LANCL2: variants seen among roughly 807,000 people sequenced by gnomAD.
LANCL2 encodes lanC-like protein 2.
In LANCL2, 33 loss-of-function variants were observed where a neutral mutation model predicts 56.9. The observed-to-expected ratio is 0.58, with a 90% CI of 0.44 to 0.78. The LOEUF (loss-of-function observed/expected upper bound fraction) is 0.78, where lower values mean the gene tolerates loss of function less well. LANCL2 is among the 30% of genes least tolerant of loss of function. LANCL2 has a pLI of 0.00. For missense variants in LANCL2, 562 were observed against 580.2 expected, an observed-to-expected ratio of 0.97 and a Z score of 0.32; for synonymous variants, 233 against 228.2, an observed-to-expected ratio of 1.02 and a Z score of -0.19.
Position 55,381,822 on chromosome 7 carries a change from A to G in LANCL2, c.205-9971A>G, listed in dbSNP as rs1207501994. Reference sequence around the variant, plus strand: ...TATATCTCATCTTCAGCAAAGAGCAATGCGTTTTTAGAGCAGTGACAAGAC... The same window carrying G: ...TATATCTCATCTTCAGCAAAGAGCAGTGCGTTTTTAGAGCAGTGACAAGAC... On this transcript the variant is annotated intron_variant, in intron 1 of 8. Coordinates refer to ENST00000254770, the MANE Select transcript of LANCL2 (RefSeq NM_018697.4). 5.3e-5 allele frequency among the ~76,000 whole-genome samples: 8 copies of G among 152,360 alleles called. No individual in the cohort carries two copies. In the East Asian group the frequency reaches 7.7e-4, roughly 15 times the overall value.
chr7:55,396,914 G>C (rs1790260267), intron 2 of LANCL2: 1 of 152,016 alleles, frequency 6.6e-6, no homozygotes, highest in South Asian at 2.1e-4. Context: ...TTTACTGTCT[G>C]TTTCCTGTAT....
At chr7:55,413,062 T>C (rs1311261565) in intron 6 of LANCL2, among the ~76,000 whole-genome samples, 1 of 152,364 alleles carries the variant, frequency 6.6e-6, no homozygotes, top group Non-Finnish European at 1.5e-5. Context: ...ATTCAAATCA[T>C]ATATAAGATA....
At chr7:55,386,651 C>T (rs62457862) in intron 1 of LANCL2, among the ~76,000 whole-genome samples, 1 of 152,080 alleles carries the variant, frequency 6.6e-6, no homozygotes, top group Non-Finnish European at 1.5e-5. Flanking sequence ...TTTTGCTTCC[C>T]ACTGCTCCTA....
Position 55,431,477 on chromosome 7 carries a change from A to G in LANCL2, c.*157A>G. 1 of 549,426 alleles carries G rather than the reference A, an allele frequency of 1.8e-6. No homozygotes were observed. The highest frequency in any genetic ancestry group is 2.6e-5 in the South Asian group (1 of 39,078). The allele number at this position is 549,426 out of a possible 1,614,324, so 34.0% of individuals were successfully genotyped here. On this transcript the variant is annotated 3_prime_UTR_variant, in exon 9 of 9. Coordinates refer to ENST00000254770, the MANE Select transcript of LANCL2 (RefSeq NM_018697.4). ...CATGAGTGACCGAAGCCATCCATCAACATTTTCTAACAGCACCCTCATCAA... is the reference window on the plus strand; with the variant it reads ...CATGAGTGACCGAAGCCATCCATCAGCATTTTCTAACAGCACCCTCATCAA...
At chr7:55,426,847 C>A (rs1325974066) in intron 7 of LANCL2, among the ~76,000 whole-genome samples, 1 of 152,214 alleles carries the variant, frequency 6.6e-6, no homozygotes, top group African/African-American at 2.4e-5. Flanking sequence ...CCAGATTCCG[C>A]AGGCCTGGGC....
intron 5 of LANCL2, among the ~76,000 whole-genome samples, chr7:55,407,266 G>A (rs576841749): frequency 5.3e-5 from 8 of 152,314 alleles, no homozygotes; most frequent in Middle Eastern, 3.4e-3. Context: ...GCGAGAGTGA[G>A]TGTCCATGGT....
At chr7:55,425,168 C>A in intron 6 of LANCL2, 86 bp from the exon 7 acceptor site, 1 of 1,358,884 alleles carries the variant, frequency 7.4e-7, no homozygotes, top group Non-Finnish European at 1.0e-6. Context: ...AATATCATGC[C>A]ATATTCTAAC....
chr7:55,428,497 C>A, intron 8 of LANCL2, 50 bp downstream of exon 8: 1 of 1,477,528 alleles, frequency 6.8e-7, no homozygotes, highest in Non-Finnish European at 9.5e-7. Context: ...GAAATTGGTT[C>A]TCCTGCCCTT....
chr7:55,416,656 T>A (rs989457813), intron 6 of LANCL2, among the ~76,000 whole-genome samples: 1 of 152,168 alleles, frequency 6.6e-6, no homozygotes, highest in African/African-American at 2.4e-5. Context: ...GAAAGAATTC[T>A]TTATATGTTC....
intron 1 of LANCL2, among the ~76,000 whole-genome samples, chr7:55,368,004 G>T (rs997663685): frequency 6.6e-6 from 1 of 152,096 alleles, no homozygotes; most frequent in African/African-American, 2.4e-5. Flanking sequence ...TAAAAATCTG[G>T]CAAGCATTGA....
At chr7:55,397,290 G>C (rs373287013) in intron 2 of LANCL2, 9 of 151,930 alleles carry the variant, frequency 5.9e-5, no homozygotes, top group African/African-American at 1.9e-4. Context: ...GTGAAAACCC[G>C]TCTCTACTGA....
rs116859217 is a variant in LANCL2 at position 55,423,728 on chromosome 7, A to T, written c.1009-1526A>T. ...TGAGGTGAAGGAATGTCATCCCTTT[A>T]TAGTTGAGAAAACTAAGACATAGAC... On this transcript the variant is annotated intron_variant, in intron 6 of 8. Transcript: ENST00000254770. Among the ~76,000 whole-genome samples the T allele has an allele frequency of 6.6e-5, 10 of 152,308 alleles. No individual in the cohort carries two copies. The East Asian group carries it at 1.5e-3, about 24-fold the overall frequency.
chr7:55,387,033 A>G (rs1790133202), intron 1 of LANCL2, among the ~76,000 whole-genome samples: 1 of 152,232 alleles, frequency 6.6e-6, no homozygotes, highest in South Asian at 2.1e-4. Context: ...TCTAGAAGAT[A>G]AAAGTTTGGG....
chr7:55,403,593 AC>A (rs1790369810), intron 5 of LANCL2, among the ~76,000 whole-genome samples: 1 of 112,492 alleles, frequency 8.9e-6, no homozygotes, highest in African/African-American at 3.6e-5. Context: ...TTTTTTTGAG[AC>A]AGAGTCTCAC....
At chr7:55,410,485 T>C (rs1264478273) in intron 5 of LANCL2, among the ~76,000 whole-genome samples, 1 of 152,236 alleles carries the variant, frequency 6.6e-6, no homozygotes, top group Non-Finnish European at 1.5e-5. Context: ...TTTATTTCAT[T>C]CTGTAGGAGA....
At chr7:55,413,138 T>C (rs1040871645) in intron 6 of LANCL2, among the ~76,000 whole-genome samples, 1 of 152,224 alleles carries the variant, frequency 6.6e-6, no homozygotes, top group African/African-American at 2.4e-5. Flanking sequence ...TGAAATGTAT[T>C]TTTTGAAAAT....
chr7:55,386,050 C>G (rs1790121966), intron 1 of LANCL2, among the ~76,000 whole-genome samples: 1 of 152,230 alleles, frequency 6.6e-6, no homozygotes, highest in African/African-American at 2.4e-5. Flanking sequence ...TTAAGGTTAT[C>G]TCTCTTATTC....
chr7:55,422,262 C>T (rs965708579), intron 6 of LANCL2, among the ~76,000 whole-genome samples: 2 of 152,110 alleles, frequency 1.3e-5, no homozygotes, highest in Non-Finnish European at 2.9e-5. Context: ...TTTTATTTCA[C>T]CTTTATTCTT....
chr7:55,421,271 T>TC (rs2128996186), intron 6 of LANCL2, among the ~76,000 whole-genome samples: 1 of 64,286 alleles, frequency 1.6e-5, no homozygotes, highest in East Asian at 8.4e-4. Context: ...CTTTCCTGCC[T>TC]TTTTTTTTTT....
Sources: allele counts gnomAD v4.1 joint callset (sites outside exome capture counted in the v4.1 genomes callset), GRCh38; gene constraint gnomAD v4.1.1; transcripts MANE v1.5; gene names NCBI Gene and HGNC (gene_info 2026-07-23, HGNC 2026-07-21).